The following KCNAB2 variants were observed in gnomAD, a reference collection of about 807,000 sequenced individuals.
The protein encoded by KCNAB2 is voltage-gated potassium channel subunit beta-2.
A neutral mutation model predicts 63.6 loss-of-function variants in KCNAB2; 29 were observed. The ratio of observed to expected loss-of-function variants is 0.46; its 90% CI spans 0.34 to 0.62. The LOEUF (loss-of-function observed/expected upper bound fraction) is 0.62, where lower values mean the gene tolerates loss of function less well. KCNAB2 is among the 20% of genes least tolerant of loss of function. KCNAB2 has a pLI of 0.01. For missense variants in KCNAB2, 359 were observed against 563.9 expected (o/e 0.64, Z 3.68); for synonymous variants, 222 against 224.2 (o/e 0.99, Z 0.09).
chr1:6,044,055 T>C (rs1310398445), upstream of KCNAB2, among the ~76,000 whole-genome samples: 2 of 152,150 alleles, frequency 1.3e-5, no homozygotes, highest in African/African-American at 4.8e-5. Flanking sequence ...AGCAGAAACA[T>C]GCAGGGTCTC....
Position 6,100,632 on chromosome 1 carries a change from G to GC in KCNAB2, c.*2063dup, listed in dbSNP as rs60141764. 117,877 of 151,984 alleles carry GC rather than the reference G, an allele frequency of 0.78. 45,974 individuals are homozygous for GC. Among genetic ancestry groups the GC allele is most frequent in the East Asian group, 0.99 (5,130 of 5,158 alleles). 9.4% of individuals were successfully genotyped at this position (151,984 alleles called of 1,614,324 possible). On this transcript the variant is annotated 3_prime_UTR_variant, in exon 16 of 16. Transcript: ENST00000378083. ...TGCGAGGCACACCTGGGGCAGCTGA[G>GC]CCCCCAAAGGCTGCGGGTTTGCCAA...
intron 2 of KCNAB2, among the ~76,000 whole-genome samples, chr1:6,058,688 T>C (rs1330066832): frequency 2.6e-5 from 4 of 152,120 alleles, no homozygotes; most frequent in Non-Finnish European, 5.9e-5. Context: ...CTAGTCTCAC[T>C]TAGAGATGTA....
At chr1:6,042,949 C>T (rs1052096820), upstream of KCNAB2, among the ~76,000 whole-genome samples, 6 of 151,264 alleles carry the variant, frequency 4.0e-5, no homozygotes, top group Non-Finnish European at 4.4e-5. Flanking sequence ...AGGTCCTGCT[C>T]CTTACAGGGA....
At chr1:6,056,256 G>A (rs542558274) in intron 2 of KCNAB2, among the ~76,000 whole-genome samples, 1 of 152,164 alleles carries the variant, frequency 6.6e-6, no homozygotes, top group Non-Finnish European at 1.5e-5. Context: ...CGTTGGCCAG[G>A]CTGATCTCAA....
At position 6,086,132 on chromosome 1, in the gene KCNAB2, C is replaced by A. The variant is rs2100739081; in HGVS notation, c.425+884C>A. On this transcript the variant is annotated intron_variant, in intron 6 of 15. Coordinates refer to ENST00000378083, the MANE Select transcript of KCNAB2 (RefSeq NM_001199862.2). The surrounding 1 kb of genome is among the most constrained non-coding windows in gnomAD (Gnocchi z 4.2). ...GCTGACAAGCCCCGGGGCCCTGTTC[C>A]TTAATAAATGCGTCTTTATTTTCAG... 1.0e-6 allele frequency: 1 copy of A among 985,262 alleles called. No homozygotes were observed. The highest frequency in any genetic ancestry group is 1.1e-4 in the East Asian group (1 of 8,812). The allele number at this position is 985,262 out of a possible 1,614,324, so 61.0% of individuals were successfully genotyped here. A position where few individuals can be genotyped will look rare whatever the true frequency, so the allele number is the denominator to read the frequency against.
intron 1 of KCNAB2, among the ~76,000 whole-genome samples, chr1:6,001,238 C>G (rs2102542970): frequency 6.6e-6 from 1 of 151,958 alleles, no homozygotes; most frequent in South Asian, 2.1e-4. Flanking sequence ...GGCCCCAGGC[C>G]CTACCCTGAG....
chr1:6,070,161 A>G (rs1435655179), intron 2 of KCNAB2, among the ~76,000 whole-genome samples: 1 of 152,210 alleles, frequency 6.6e-6, no homozygotes, highest in Admixed American at 6.5e-5. Flanking sequence ...AGTGGGGTCC[A>G]GGGCTCTGTG....
Position 6,035,494 on chromosome 1 carries a change from G to A in KCNAB2, c.-53+700G>A, listed in dbSNP as rs1257485041. ...GGAGAGGAGACAGGGAGAGGCACGGGGCCCCTGGCCCAGGGATGGATTGGA... is the reference window on the plus strand; with the variant it reads ...GGAGAGGAGACAGGGAGAGGCACGGAGCCCCTGGCCCAGGGATGGATTGGA... On this transcript the variant is annotated intron_variant, in intron 1 of 15. Coordinates refer to the KCNAB2 transcript ENST00000164247. The surrounding 1 kb of genome is among the most constrained non-coding windows in gnomAD (Gnocchi z 5.0). 6.6e-6 allele frequency among the ~76,000 whole-genome samples: 1 copy of A among 152,064 alleles called. No individual in the cohort carries two copies. Among genetic ancestry groups the A allele is most frequent in the South Asian group, 2.1e-4 (1 of 4,822 alleles).
At position 6,098,580 on chromosome 1, in the gene KCNAB2, C is replaced by T. The variant is rs1468316589; in HGVS notation, c.*6C>T. The T allele has an allele frequency of 6.2e-7, 1 of 1,613,300 alleles. No individual in the cohort carries two copies. The highest frequency in any genetic ancestry group is 8.5e-7 in the Non-Finnish European group (1 of 1,179,730). On this transcript the variant is annotated 3_prime_UTR_variant, in exon 16 of 16. Coordinates refer to ENST00000378083, the MANE Select transcript of KCNAB2 (RefSeq NM_001199862.2). ...AAAAGGACTACAGATCCTAAGCCGC[C>T]CCCGCCCGCCTGCTCGGACAGTTTC...
Position 6,100,521 on chromosome 1 carries a change from CCCCATCCCCACTGCCA to C in KCNAB2, c.*1952_*1967del, listed in dbSNP as rs1225474915. The C allele has an allele frequency of 6.5e-6, 1 of 153,470 alleles. No homozygotes were observed. Among genetic ancestry groups the C allele is most frequent in the East Asian group, 1.9e-4 (1 of 5,192 alleles). 9.5% of individuals were successfully genotyped at this position (153,470 alleles called of 1,614,324 possible). A position where few individuals can be genotyped will look rare whatever the true frequency, so the allele number is the denominator to read the frequency against. On this transcript the variant is annotated 3_prime_UTR_variant, in exon 16 of 16. Coordinates refer to ENST00000378083, the MANE Select transcript of KCNAB2 (RefSeq NM_001199862.2). Reference sequence around the variant, plus strand: ...CCTCGCCATCAGGGAGGGTGGCTGGCCCCATCCCCACTGCCACCCAGCCCCACCCACTGTTGGAAGA... The same window carrying C: ...CCTCGCCATCAGGGAGGGTGGCTGGCCCCAGCCCCACCCACTGTTGGAAGA...
intron 2 of KCNAB2, among the ~76,000 whole-genome samples, chr1:6,062,640 T>C (rs1662414580): frequency 6.6e-6 from 1 of 152,142 alleles, no homozygotes; most frequent in African/African-American, 2.4e-5. Context: ...TTACTTGTGC[T>C]GGGGGCCTAG....
At chr1:6,052,536 G>A (rs1661479790) in intron 2 of KCNAB2, among the ~76,000 whole-genome samples, 1 of 152,122 alleles carries the variant, frequency 6.6e-6, no homozygotes, top group South Asian at 2.1e-4. Context: ...TGCTCTTAAT[G>A]ATAGGCACGT....
chr1:6,071,885 G>A lies in KCNAB2; in HGVS notation c.219-870G>A, dbSNP rs1181722500. On this transcript the variant is annotated intron_variant, in intron 2 of 15. Transcript: ENST00000378083. This position sits in a 1 kb window ranked among gnomAD's most constrained non-coding sequence, Gnocchi z 8.5. ...CTGCCGCGTGGGCTCCTCCTGCCGC[G>A]TAGGGCTCCTCCTGCCGCGTAGGGC... Among the ~76,000 whole-genome samples, 3 of 150,170 alleles carry A rather than the reference G, an allele frequency of 2.0e-5. No individual in the cohort carries two copies. Among genetic ancestry groups the A allele is most frequent in the East Asian group, 3.9e-4 (2 of 5,140 alleles).
Position 6,028,627 on chromosome 1 carries a change from A to G in KCNAB2, c.-52-11890A>G, listed in dbSNP as rs187313660. On this transcript the variant is annotated intron_variant, in intron 1 of 16. Transcript: ENST00000341524. The surrounding 1 kb of genome is among the most constrained non-coding windows in gnomAD (Gnocchi z 4.0). Reference sequence around the variant, plus strand: ...GGTGCGGGGGTACATCCGTGAAGGAAAGAGATGAAGCTCCCTGCCCAGAGG... The same window carrying G: ...GGTGCGGGGGTACATCCGTGAAGGAGAGAGATGAAGCTCCCTGCCCAGAGG... Among the ~76,000 whole-genome samples, 6 of 152,304 alleles carry G rather than the reference A, an allele frequency of 3.9e-5. No individual in the cohort carries two copies. In the East Asian group the frequency reaches 1.2e-3, roughly 29 times the overall value.
chr1:6,061,071 G>C (rs115789437), intron 2 of KCNAB2, among the ~76,000 whole-genome samples: 1 of 152,206 alleles, frequency 6.6e-6, no homozygotes, highest in Middle Eastern at 3.2e-3. Flanking sequence ...CCAGGCCCAA[G>C]GGGGAGGAGT....
At chr1:6,038,506 A>C (rs1333374048) in intron 1 of KCNAB2, among the ~76,000 whole-genome samples, 1 of 151,836 alleles carries the variant, frequency 6.6e-6, no homozygotes, top group South Asian at 2.1e-4. Flanking sequence ...CTACAAAACA[A>C]ATGTCTCTGT....
rs142239694 is a variant in KCNAB2, at chr1:6,083,011, G to A, written c.380+737G>A. Among the ~76,000 whole-genome samples, 229 of 152,244 alleles carry A rather than the reference G, an allele frequency of 1.5e-3. 2 individuals are homozygous for A. Among genetic ancestry groups the A allele is most frequent in the Admixed American group, 2.5e-3 (38 of 15,292 alleles). The stretch of plus-strand genomic sequence containing the variant: ...AACTGCAGCGGGGCCCAGAGCACCC[G>A]GCGGCAGGGAACCCAACTGGGCCCT... On this transcript the variant is annotated intron_variant, in intron 5 of 15. Coordinates refer to ENST00000378083, the MANE Select transcript of KCNAB2 (RefSeq NM_001199862.2).
chr1:6,088,021 G>GATTC (rs528976743), intron 7 of KCNAB2, among the ~76,000 whole-genome samples: 13 of 151,952 alleles, frequency 8.6e-5, no homozygotes, highest in Non-Finnish European at 1.8e-4. Flanking sequence ...TTATAACTAC[G>GATTC]ATTCATTCAT....
At position 6,078,471 on chromosome 1, in the gene KCNAB2, G is replaced by C. The variant is rs528743965; in HGVS notation, c.301-3724G>C. On this transcript the variant is annotated intron_variant, in intron 4 of 15. Coordinates refer to ENST00000378083, the MANE Select transcript of KCNAB2 (RefSeq NM_001199862.2). The surrounding 1 kb of genome is among the most constrained non-coding windows in gnomAD (Gnocchi z 4.2). Reference sequence around the variant, plus strand: ...GGGCGGGGGTCCTGACGACAGGGTGGTCAGGAAGCAGAAGCGAGCAAGGAC... The same window carrying C: ...GGGCGGGGGTCCTGACGACAGGGTGCTCAGGAAGCAGAAGCGAGCAAGGAC... Among the ~76,000 whole-genome samples the C allele has an allele frequency of 6.6e-6, 1 of 152,270 alleles. No individual in the cohort carries two copies. Among genetic ancestry groups the C allele is most frequent in the South Asian group, 2.1e-4 (1 of 4,828 alleles).
Sources: gnomAD v4.1 joint callset for allele counts (sites outside exome capture counted in the v4.1 genomes callset) on GRCh38, gnomAD v4.1.1 for gene constraint, Gnocchi (gnomAD v3.1) non-coding constraint, MANE v1.5 for transcripts, NCBI Gene and HGNC (gene_info 2026-07-23, HGNC 2026-07-21) for gene names.